TOGARAM2: variants seen among roughly 807,000 people sequenced by gnomAD.
TOGARAM2 encodes TOG array regulator of axonemal microtubules protein 2.
A neutral mutation model predicts 93.3 loss-of-function variants in TOGARAM2; 85 were observed. The observed-to-expected ratio is 0.91, with a 90% CI of 0.76 to 1.09. The LOEUF (loss-of-function observed/expected upper bound fraction) is 1.09. Among genes scored for constraint, TOGARAM2 ranks in the 50% least tolerant of loss-of-function variants. The pLI, the probability that TOGARAM2 is intolerant of heterozygous loss-of-function variation, is 0.00. For synonymous variants in TOGARAM2, 593 were observed against 552.8 expected, an observed-to-expected ratio of 1.07 and a Z score of -1.02; for missense variants, 1,277 against 1,334.5, an observed-to-expected ratio of 0.96 and a Z score of 0.67.
intron 14 of TOGARAM2, among the ~76,000 whole-genome samples, chr2:29,029,015 C>G (rs1004040305): frequency 6.6e-6 from 1 of 152,168 alleles, no homozygotes; most frequent in Non-Finnish European, 1.5e-5. Flanking sequence ...GGTGGGAATG[C>G]AAACTAGCAC....
At chr2:29,017,996 C>A (rs1664700713) in intron 10 of TOGARAM2, 40 bp downstream of exon 10, 1 of 1,539,026 alleles carries the variant, frequency 6.5e-7, no homozygotes. Context: ...GTCCCTCTGC[C>A]CATGCTGCCT....
upstream of TOGARAM2, among the ~76,000 whole-genome samples, chr2:28,976,351 A>G (rs1311693476): frequency 6.6e-6 from 1 of 152,214 alleles, no homozygotes; most frequent in Non-Finnish European, 1.5e-5. Flanking sequence ...AGCCTGGGCG[A>G]CAGAGTGAGA....
At chr2:28,976,258 C>T (rs1010451784) in intron 1 of TOGARAM2, among the ~76,000 whole-genome samples, 1 of 152,150 alleles carries the variant, frequency 6.6e-6, no homozygotes, top group Non-Finnish European at 1.5e-5. Flanking sequence ...GTAGTCCCAG[C>T]TACTCAGGAG....
At chr2:28,963,874 A>G (rs1281991103) in intron 1 of TOGARAM2, among the ~76,000 whole-genome samples, 1 of 152,154 alleles carries the variant, frequency 6.6e-6, no homozygotes, top group Admixed American at 6.5e-5. Flanking sequence ...TGGGCATGGT[A>G]GTGTGCGCCT....
intron 19 of TOGARAM2, chr2:29,050,176 A>AC (rs1039786690): frequency 6.6e-6 from 1 of 151,730 alleles, no homozygotes; most frequent in African/African-American, 2.4e-5. Context: ...ACATAATGAG[A>AC]CCCCCATCTC....
rs376885474 is a variant in TOGARAM2 at position 29,023,101 on chromosome 2, G to A, written c.1527G>A (p.Lys509=). The change falls in exon 12 of 20, where the codon AAG becomes AAA. Residue 509 remains lysine, a synonymous_variant. Transcript: ENST00000379558. ...LNSSDWQMKE[K]GLVSIQRLAA... ...TGCTTCTCAGGCAGATGAAGGAGAA[G>A]GGTCTGGTGAGCATCCAGCGCTTGG... 2.8e-5 allele frequency: 44 copies of A among 1,596,338 alleles called. No individual in the cohort carries two copies. Among genetic ancestry groups the A allele is most frequent in the African/African-American group, 2.0e-4 (15 of 74,780 alleles).
intron 12 of TOGARAM2, among the ~76,000 whole-genome samples, chr2:29,023,871 A>G (rs967222204): frequency 6.6e-6 from 1 of 152,254 alleles, no homozygotes; most frequent in Non-Finnish European, 1.5e-5. Flanking sequence ...CAAAGATCAA[A>G]TCAGACATTC....
At chr2:29,011,127 G>A (rs1664218945) in intron 6 of TOGARAM2, among the ~76,000 whole-genome samples, 1 of 152,202 alleles carries the variant, frequency 6.6e-6, no homozygotes, top group East Asian at 1.9e-4. Context: ...CAACTCCACA[G>A]GCCCAAGCAG....
chr2:29,008,662 G>T (rs972289951), intron 6 of TOGARAM2, among the ~76,000 whole-genome samples: 2 of 152,014 alleles, frequency 1.3e-5, no homozygotes, highest in African/African-American at 4.8e-5. Flanking sequence ...TCACCATGTT[G>T]CCCAGGCTTG....
At chr2:28,972,192 G>A (rs561089169) in intron 1 of TOGARAM2, among the ~76,000 whole-genome samples, 12 of 152,232 alleles carry the variant, frequency 7.9e-5, no homozygotes, top group Admixed American at 2.0e-4. Context: ...GGGCTCAAGC[G>A]ATTCTCCTGC....
intron 18 of TOGARAM2, among the ~76,000 whole-genome samples, chr2:29,038,246 C>T (rs1230917300): frequency 6.6e-6 from 1 of 152,104 alleles, no homozygotes; most frequent in African/African-American, 2.4e-5. Context: ...CCTATGTTCT[C>T]CCTTCTGGGA....
intron 1 of TOGARAM2, among the ~76,000 whole-genome samples, chr2:28,982,799 A>G (rs1362829141): frequency 6.6e-6 from 1 of 152,126 alleles, no homozygotes; most frequent in Non-Finnish European, 1.5e-5. Flanking sequence ...GAATAATTAT[A>G]AAGTGAATGT....
chr2:28,979,414 G>A (rs534555351), upstream of TOGARAM2, among the ~76,000 whole-genome samples: 3 of 152,356 alleles, frequency 2.0e-5, no homozygotes, highest in South Asian at 2.1e-4. Context: ...GACTCAGAGA[G>A]TTTGTTTCTT....
chr2:29,019,476 C>A (rs887682514), intron 10 of TOGARAM2, among the ~76,000 whole-genome samples: 1 of 152,112 alleles, frequency 6.6e-6, no homozygotes, highest in Non-Finnish European at 1.5e-5. Context: ...GGCCAACCCA[C>A]TCATTTTATA....
chr2:29,042,548 G>A (rs1185742002), intron 18 of TOGARAM2, among the ~76,000 whole-genome samples: 2 of 152,166 alleles, frequency 1.3e-5, no homozygotes, highest in Non-Finnish European at 1.5e-5. Flanking sequence ...AACACTCGGG[G>A]GGGCTACAGG....
intron 1 of TOGARAM2, among the ~76,000 whole-genome samples, chr2:28,986,092 G>A (rs1186134311): frequency 9.2e-5 from 13 of 141,376 alleles, no homozygotes; most frequent in African/African-American, 1.9e-4. Context: ...CAGCCTGGCC[G>A]ACAGAGTGAA....
At chr2:29,017,747 G>C (rs951014803) in intron 9 of TOGARAM2, 45 bp from the exon 10 acceptor site, 1 of 1,523,270 alleles carries the variant, frequency 6.6e-7, no homozygotes, top group East Asian at 2.4e-5. Flanking sequence ...TGAGGCCAGG[G>C]GAAAACAGAC....
chr2:28,977,695 A>G (rs910578324), upstream of TOGARAM2, among the ~76,000 whole-genome samples: 3 of 152,158 alleles, frequency 2.0e-5, no homozygotes, highest in East Asian at 1.9e-4. Flanking sequence ...CCTGCCCCCA[A>G]GGAGCTCACA....
intron 1 of TOGARAM2, among the ~76,000 whole-genome samples, chr2:28,964,157 A>G (rs1274142202): frequency 6.6e-6 from 1 of 152,178 alleles, no homozygotes; most frequent in Non-Finnish European, 1.5e-5. Context: ...AAAGTATTCA[A>G]ATCTCAATAT....
Sources: gnomAD v4.1 joint callset for allele counts (sites outside exome capture counted in the v4.1 genomes callset) on GRCh38, gnomAD v4.1.1 for gene constraint, MANE v1.5 for transcripts, NCBI Gene and HGNC (gene_info 2026-07-23, HGNC 2026-07-21) for gene names.